LARGE1: variants seen among roughly 807,000 people sequenced by gnomAD.
LARGE1 encodes the protein xylosyl- and glucuronyltransferase LARGE1.
In LARGE1, 43 loss-of-function variants were observed where a neutral mutation model predicts 87.6. That is an observed-to-expected ratio of 0.49 (90% CI 0.38 to 0.63). LARGE1 has a LOEUF of 0.63. LARGE1 is among the 30% of genes least tolerant of loss of function. The probability of loss-of-function intolerance (pLI) is 0.00; values close to 1 mark genes in which losing one functional copy is unlikely to be tolerated. For missense variants in LARGE1, 802 were observed against 1,000.2 expected (o/e 0.80, Z 2.67); for synonymous variants, 434 against 394.6 (o/e 1.10, Z -1.18).
chr22:33,670,526 C>A (rs188169510), intron 2 of LARGE1, among the ~76,000 whole-genome samples: 1 of 151,964 alleles, frequency 6.6e-6, no homozygotes, highest in Non-Finnish European at 1.5e-5. Context: ...AGTGGACCCA[C>A]GGGGGCACCG....
chr22:33,602,976 C>T (rs2079151365), intron 5 of LARGE1, among the ~76,000 whole-genome samples: 1 of 152,208 alleles, frequency 6.6e-6, no homozygotes, highest in Non-Finnish European at 1.5e-5. Flanking sequence ...GGTGTTGGCG[C>T]TAAGACCCTG....
intron 6 of LARGE1, among the ~76,000 whole-genome samples, chr22:33,466,834 T>A (rs940615585): frequency 6.6e-6 from 1 of 150,902 alleles, no homozygotes; most frequent in Non-Finnish European, 1.5e-5. Context: ...AGGTCAGGAG[T>A]TCAAGACCAG....
intron 1 of LARGE1, among the ~76,000 whole-genome samples, chr22:33,822,575 G>A (rs890975247): frequency 2.0e-5 from 3 of 152,116 alleles, no homozygotes; most frequent in Non-Finnish European, 2.9e-5. Flanking sequence ...GCAGACGTCT[G>A]TAATCCCAGC....
intron 11 of LARGE1, among the ~76,000 whole-genome samples, chr22:33,256,342 G>A (rs1399422783): frequency 2.6e-5 from 4 of 152,208 alleles, no homozygotes; most frequent in African/African-American, 9.7e-5. Flanking sequence ...GAAGCCGAAA[G>A]TTGCAGAAAA....
intron 2 of LARGE1, among the ~76,000 whole-genome samples, chr22:33,692,925 T>C (rs1035922418): frequency 6.6e-6 from 1 of 152,216 alleles, no homozygotes; most frequent in Non-Finnish European, 1.5e-5. Context: ...GACATCATTC[T>C]ATTATAAAGA....
At chr22:33,277,322 G>C in intron 13 of LARGE1, 67 bp from the exon 14 acceptor site, 2 of 1,461,064 alleles carry the variant, frequency 1.4e-6, no homozygotes, top group Non-Finnish European at 1.9e-6. Context: ...TGCAGCCGAT[G>C]TGGAGGAAGA....
intron 12 of LARGE1, among the ~76,000 whole-genome samples, chr22:33,296,820 C>T (rs923666166): frequency 4.6e-5 from 7 of 152,134 alleles, no homozygotes; most frequent in African/African-American, 9.7e-5. Context: ...CTGCCCACCT[C>T]GGCCTCCCAA....
intron 2 of LARGE1, among the ~76,000 whole-genome samples, chr22:33,655,665 C>G (rs1293683602): frequency 2.0e-5 from 3 of 152,170 alleles, no homozygotes; most frequent in Non-Finnish European, 2.9e-5. Context: ...GCCTGCAGAT[C>G]ACACCTTGAG....
At chr22:33,719,449 C>T (rs1336993132) in intron 2 of LARGE1, among the ~76,000 whole-genome samples, 3 of 152,134 alleles carry the variant, frequency 2.0e-5, no homozygotes, top group Non-Finnish European at 4.4e-5. Context: ...TCCAGTTCTA[C>T]AGGCTCCATT....
At chr22:33,730,548 C>T (rs904251630) in intron 2 of LARGE1, among the ~76,000 whole-genome samples, 9 of 152,102 alleles carry the variant, frequency 5.9e-5, no homozygotes, top group Non-Finnish European at 8.8e-5. Flanking sequence ...GTTAGTGTCC[C>T]TAGTTCCCAT....
intron 9 of LARGE1, among the ~76,000 whole-genome samples, chr22:33,369,322 G>T (rs1327459231): frequency 6.6e-6 from 1 of 152,140 alleles, no homozygotes; most frequent in Non-Finnish European, 1.5e-5. Flanking sequence ...AATAGAATGG[G>T]ATTCTCCCAC....
At position 33,409,841 on chromosome 22, in the gene LARGE1, A is replaced by G. The variant is rs539389987; in HGVS notation, c.892+22320T>C. 6.0e-5 allele frequency among the ~76,000 whole-genome samples: 9 copies of G among 149,636 alleles called. No individual in the cohort carries two copies. In the South Asian group the frequency reaches 1.7e-3, roughly 29 times the overall value. ...ATGCCACTGCACTCCAGCCTGGGCG[A>G]CAGAGTGAGACTCCATCTCAAAAAA... On this transcript the variant is annotated intron_variant, in intron 7 of 14. Transcript: ENST00000397394.
intron 1 of LARGE1, among the ~76,000 whole-genome samples, chr22:33,807,514 A>G (rs1055451084): frequency 6.6e-6 from 1 of 152,210 alleles, no homozygotes; most frequent in Admixed American, 6.5e-5. Flanking sequence ...TGGTGAGCCT[A>G]CATTGATACA....
chr22:33,634,876 C>T (rs1178163523), intron 3 of LARGE1, among the ~76,000 whole-genome samples: 1 of 151,858 alleles, frequency 6.6e-6, no homozygotes, highest in Non-Finnish European at 1.5e-5. Flanking sequence ...CGCCTGTAAT[C>T]CCAGCACTTT....
intron 1 of LARGE1, among the ~76,000 whole-genome samples, chr22:33,786,278 T>C (rs2085638719): frequency 6.6e-6 from 1 of 152,206 alleles, no homozygotes; most frequent in African/African-American, 2.4e-5. Flanking sequence ...AAAGTTCTTA[T>C]TCAAGCATAT....
the LARGE1 span, among the ~76,000 whole-genome samples, chr22:33,150,273 C>A: frequency 1.5e-4 from 23 of 152,234 alleles, 2 homozygotes; most frequent in African/African-American, 5.3e-4. Context: ...GCTAAATAAA[C>A]CCCTCATTTT....
intron 11 of LARGE1, among the ~76,000 whole-genome samples, chr22:33,258,119 C>T (rs1927417079): frequency 1.3e-5 from 2 of 152,186 alleles, no homozygotes. Flanking sequence ...ACCTCCACCT[C>T]CCAGGTTCAC....
chr22:33,612,711 G>A (rs1029895350), intron 4 of LARGE1, among the ~76,000 whole-genome samples: 6 of 152,200 alleles, frequency 3.9e-5, no homozygotes, highest in African/African-American at 1.4e-4. Context: ...AGGACAGACT[G>A]GGCTAGAATG....
the LARGE1 span, among the ~76,000 whole-genome samples, chr22:33,120,131 C>A: frequency 6.6e-6 from 1 of 151,818 alleles, no homozygotes; most frequent in South Asian, 2.1e-4. Context: ...TTTTTATATA[C>A]CTAAGAGTAA....
Sources: allele counts gnomAD v4.1 joint callset (sites outside exome capture counted in the v4.1 genomes callset), GRCh38; gene constraint gnomAD v4.1.1; transcripts MANE v1.5; gene names NCBI Gene and HGNC (gene_info 2026-07-23, HGNC 2026-07-21).